Variants in NF1 observed in about 807,000 individuals in gnomAD.
NF1 encodes neurofibromin.
A neutral mutation model predicts 325.7 loss-of-function variants in NF1; 122 were observed. The observed-to-expected ratio is 0.37, with a 90% CI of 0.32 to 0.44. NF1 has a LOEUF of 0.44. NF1 is among the 20% of genes least tolerant of loss of function. The pLI is 1.00. For missense variants in NF1, 2,140 were observed against 3,415.4 expected, an observed-to-expected ratio of 0.63 and a Z score of 9.31; for synonymous variants, 1,091 against 1,186.0, an observed-to-expected ratio of 0.92 and a Z score of 1.65.
At chr17:31,185,925 C>T (rs564933929) in intron 8 of NF1, among the ~76,000 whole-genome samples, 1 of 152,248 alleles carries the variant, frequency 6.6e-6, no homozygotes, top group African/African-American at 2.4e-5. Flanking sequence ...CAAGGCCCTG[C>T]CATCTTCTGC....
intron 11 of NF1, among the ~76,000 whole-genome samples, chr17:31,205,137 C>G (rs987652581): frequency 6.6e-6 from 1 of 151,986 alleles, no homozygotes; most frequent in East Asian, 1.9e-4. Flanking sequence ...ATTTGTAATC[C>G]ACAGTTTGGG....
intron 1 of NF1, among the ~76,000 whole-genome samples, chr17:31,154,284 T>C (rs1162381384): frequency 6.6e-6 from 1 of 152,218 alleles, no homozygotes; most frequent in East Asian, 1.9e-4. Flanking sequence ...CTTGAACTTT[T>C]GACCTCAAGT....
chr17:31,187,741 T>G (rs1474348311), intron 8 of NF1, among the ~76,000 whole-genome samples: 1 of 152,032 alleles, frequency 6.6e-6, no homozygotes, highest in Non-Finnish European at 1.5e-5. Context: ...CACTAGAAAA[T>G]TTTTCTTCCC....
chr17:31,108,821 G>C (rs1025826980), intron 1 of NF1, among the ~76,000 whole-genome samples: 1 of 152,122 alleles, frequency 6.6e-6, no homozygotes, highest in East Asian at 1.9e-4. Context: ...GAGTTAACAG[G>C]GGGGCAAGCC....
At chr17:31,100,927 A>C (rs972144921) in intron 1 of NF1, among the ~76,000 whole-genome samples, 2 of 152,036 alleles carry the variant, frequency 1.3e-5, no homozygotes, top group African/African-American at 4.8e-5. Context: ...GCACTCCCTT[A>C]CACTTTCCAC....
rs1597646991 is a variant in NF1 at position 31,172,363 on chromosome 17, CTCTCTCTCTT to C, written c.586+2374_586+2383del. Among the ~76,000 whole-genome samples, 296 of 151,840 alleles carry C rather than the reference CTCTCTCTCTT, an allele frequency of 1.9e-3. 1 individual carries two copies. Among genetic ancestry groups the C allele is most frequent in the Middle Eastern group, 6.8e-3 (2 of 292 alleles). On this transcript the variant is annotated intron_variant, in intron 5 of 57. Coordinates refer to ENST00000358273, the MANE Select transcript of NF1 (RefSeq NM_001042492.3). ...TCTCTGTCTCTCTGTCTCTCTCTCT[CTCTCTCTCTT>C]TCTCTCTTTCTCTCGATATACCTAT...
chr17:31,116,137 T>C lies in NF1; in HGVS notation c.60+20768T>C, dbSNP rs11869700. Among the ~76,000 whole-genome samples, 312 of 152,296 alleles carry C rather than the reference T, an allele frequency of 2.0e-3. 2 individuals are homozygous for C. The highest frequency in any genetic ancestry group is 7.3e-3 in the African/African-American group (305 of 41,564). The stretch of plus-strand genomic sequence containing the variant: ...ACTAATTTTGTTGAAATCTACCAGA[T>C]AGAAATCCATTGTTATGGGTTGTAT... On this transcript the variant is annotated intron_variant, in intron 1 of 57. Coordinates refer to ENST00000358273, the MANE Select transcript of NF1 (RefSeq NM_001042492.3).
At chr17:31,216,067 A>G (rs1391355096) in intron 13 of NF1, among the ~76,000 whole-genome samples, 3 of 152,216 alleles carry the variant, frequency 2.0e-5, no homozygotes, top group Admixed American at 1.3e-4. Context: ...GGCATGAAAA[A>G]ATTCCATAAA....
intron 12 of NF1, among the ~76,000 whole-genome samples, chr17:31,213,787 C>T (rs1304112735): frequency 6.6e-6 from 1 of 152,104 alleles, no homozygotes; most frequent in African/African-American, 2.4e-5. Flanking sequence ...AGGCAAAATG[C>T]ATGCATTCTG....
At chr17:31,293,408 A>C (rs939574282) in intron 36 of NF1, among the ~76,000 whole-genome samples, 1 of 152,070 alleles carries the variant, frequency 6.6e-6, no homozygotes, top group Admixed American at 6.5e-5. Context: ...GACTTTTTCA[A>C]ATAATCCTGT....
intron 36 of NF1, among the ~76,000 whole-genome samples, chr17:31,291,050 G>A (rs1464876471): frequency 6.6e-6 from 1 of 151,004 alleles, no homozygotes; most frequent in Non-Finnish European, 1.5e-5. Flanking sequence ...ATAAGTTAAT[G>A]TAACTGTAGT....
intron 36 of NF1, among the ~76,000 whole-genome samples, chr17:31,274,086 GTAAA>G (rs1163509206): frequency 2.0e-5 from 3 of 151,924 alleles, no homozygotes; most frequent in Admixed American, 1.3e-4. Context: ...TTAATTTTTG[GTAAA>G]TAAAGTAACC....
At chr17:31,182,467 G>A (rs1369376849) in intron 7 of NF1, 41 bp from the exon 8 acceptor site, 2 of 1,599,278 alleles carry the variant, frequency 1.3e-6, no homozygotes, top group Non-Finnish European at 8.6e-7. Flanking sequence ...CAGGGATTTT[G>A]TTCCTATCTA....
chr17:31,292,903 C>T (rs954708826), intron 36 of NF1, among the ~76,000 whole-genome samples: 1 of 151,992 alleles, frequency 6.6e-6, no homozygotes, highest in Non-Finnish European at 1.5e-5. Context: ...TCAGGGCAGG[C>T]GTGGTGGCTC....
At chr17:31,254,787 A>G (rs1743075744) in intron 31 of NF1, among the ~76,000 whole-genome samples, 1 of 152,124 alleles carries the variant, frequency 6.6e-6, no homozygotes, top group South Asian at 2.1e-4. Flanking sequence ...GGGTAACACC[A>G]AGTTTTGGAA....
At position 31,230,299 on chromosome 17, in the gene NF1, A is replaced by G. The variant is rs1405071456; in HGVS notation, c.3030A>G (p.Gln1010=). 6 of 1,613,490 alleles carry G rather than the reference A, an allele frequency of 3.7e-6. No homozygotes were observed. Among genetic ancestry groups the G allele is most frequent in the Non-Finnish European group, 3.4e-6 (4 of 1,179,576 alleles). Residue 1010 remains glutamine (Q), a synonymous_variant, in exon 23 of 58, where the codon CAA becomes CAG. Transcript: ENST00000358273. ...RVLGNMVHAI[Q]IKTKLCQLVE... ...TTGGGAATATGGTCCATGCAATTCA[A>G]ATAAAAACGAAACTGTGTCAATTAG... is the stretch of plus-strand genomic sequence containing the variant.
Position 31,232,069 on chromosome 17 carries a change from T to TC in NF1, c.3198-3dup, listed in dbSNP as rs1555614816. 9.3e-5 allele frequency: 121 copies of TC among 1,307,298 alleles called. No homozygotes were observed. In the African/African-American group the frequency reaches 1.4e-3, roughly 15 times the overall value. The allele number at this position is 1,307,298 out of a possible 1,614,324, so 81.0% of individuals were successfully genotyped here. A position where few individuals can be genotyped will look rare whatever the true frequency, so the allele number is the denominator to read the frequency against. On this transcript the variant is annotated splice_polypyrimidine_tract_variant and splice_region_variant and intron_variant, in intron 24 of 57. Transcript: ENST00000358273. ...TTTTTTTTTTTTTTTTTTTTTTTTT[T>TC]CAGAGATTTGGACCAGGCAAGCATG...
rs576969125 is a variant in NF1 at position 31,305,557 on chromosome 17, G to A, written c.4836-20263G>A. 28 of 1,614,106 alleles carry A rather than the reference G, an allele frequency of 1.7e-5. No individual in the cohort carries two copies. In the South Asian group the frequency reaches 1.8e-4, roughly 10 times the overall value. ...AATTGTCTCTGTCTTTGAAAAAAAT[G>A]TATTGTTCAGGTGTCCACAAAACAA... On this transcript the variant is annotated intron_variant, in intron 36 of 57. Coordinates refer to ENST00000358273, the MANE Select transcript of NF1 (RefSeq NM_001042492.3).
chr17:31,108,437 C>T (rs2143274144), intron 1 of NF1, among the ~76,000 whole-genome samples: 1 of 151,908 alleles, frequency 6.6e-6, no homozygotes, highest in South Asian at 2.1e-4. Context: ...CCACGCCTGG[C>T]TAAATTTTTT....
Sources: gnomAD v4.1 joint callset for allele counts (sites outside exome capture counted in the v4.1 genomes callset) on GRCh38, gnomAD v4.1.1 for gene constraint, MANE v1.5 for transcripts, NCBI Gene and HGNC (gene_info 2026-07-23, HGNC 2026-07-21) for gene names.